Variants in PNLIP observed in about 807,000 individuals in gnomAD.
The protein encoded by PNLIP is pancreatic triacylglycerol lipase.
PNLIP carries 49 observed loss-of-function variants against 57.1 expected under a neutral mutation model. The ratio of observed to expected loss-of-function variants is 0.86; its 90% CI spans 0.68 to 1.09. PNLIP has a LOEUF of 1.09. PNLIP is among the 50% of genes least tolerant of loss of function. PNLIP has a pLI of 0.00. For missense variants in PNLIP, 503 were observed against 570.2 expected (o/e 0.88, Z 1.20); for synonymous variants, 209 against 200.4 (o/e 1.04, Z -0.36).
chr10:116,554,947 T>G (rs1392581370), intron 6 of PNLIP, among the ~76,000 whole-genome samples: 3 of 152,176 alleles, frequency 2.0e-5, no homozygotes, highest in Non-Finnish European at 4.4e-5. Context: ...TTGTTGTAAC[T>G]GCTGCTAGTG....
rs143378802 is a variant in PNLIP at position 116,551,093 on chromosome 10, A to G, written c.325-5A>G. The G allele has an allele frequency of 6.8e-4, 1,078 of 1,575,102 alleles. 3 individuals carry two copies. Among genetic ancestry groups the G allele is most frequent in the Non-Finnish European group, 8.4e-4 (973 of 1,159,304 alleles). On this transcript the variant is annotated splice_polypyrimidine_tract_variant and splice_region_variant and intron_variant, in intron 4 of 12. Coordinates refer to ENST00000369221, the MANE Select transcript of PNLIP (RefSeq NM_000936.4). ...TTTATCTGTTTATTGTGCCCCTTCCACCAGAATCTGTTCAAGGTGGAAAGT... is the reference window on the plus strand; with the variant it reads ...TTTATCTGTTTATTGTGCCCCTTCCGCCAGAATCTGTTCAAGGTGGAAAGT...
At chr10:116,547,530 T>C (rs991357218) in intron 3 of PNLIP, 82 bp downstream of exon 3, 1 of 1,133,240 alleles carries the variant, frequency 8.8e-7, no homozygotes, top group Non-Finnish European at 1.3e-6. Context: ...ATCGAGACCA[T>C]GCTGGCTAAC....
At chr10:116,561,409 A>G in intron 11 of PNLIP, 63 bp from the exon 12 acceptor site, 1 of 1,237,592 alleles carries the variant, frequency 8.1e-7, no homozygotes, top group African/African-American at 1.5e-5. Context: ...ATACACACAA[A>G]TATATATGTA....
chr10:116,561,741 T>G (rs1390943158), intron 12 of PNLIP, 105 bp downstream of exon 12: 1 of 966,680 alleles, frequency 1.0e-6, no homozygotes, highest in South Asian at 1.8e-5. Context: ...GGGGATCGCC[T>G]ACATCCTAGT....
At chr10:116,560,995 A>C (rs569670115) in intron 11 of PNLIP, among the ~76,000 whole-genome samples, 7 of 152,346 alleles carry the variant, frequency 4.6e-5, no homozygotes, top group Admixed American at 3.3e-4. Flanking sequence ...AAAGGAAGCA[A>C]TTATGTCATC....
chr10:116,555,524 T>C lies in PNLIP; in HGVS notation c.811+17T>C. The C allele has an allele frequency of 1.2e-6, 2 of 1,608,402 alleles. No individual in the cohort carries two copies. The highest frequency in any genetic ancestry group is 3.3e-4 in the Middle Eastern group (2 of 6,024). ...TCTGGGAAGGTAGAACTATTATGTGTAGAAAGAGATCTTCTTGGGAGAAAG... is the reference window on the plus strand; with the variant it reads ...TCTGGGAAGGTAGAACTATTATGTGCAGAAAGAGATCTTCTTGGGAGAAAG... On this transcript the variant is annotated intron_variant, in intron 8 of 12. Transcript: ENST00000369221.
At chr10:116,549,243 T>C (rs947130335) in intron 4 of PNLIP, among the ~76,000 whole-genome samples, 1 of 151,960 alleles carries the variant, frequency 6.6e-6, no homozygotes, top group Non-Finnish European at 1.5e-5. Flanking sequence ...TTTGGGAGGC[T>C]GAGGCGGGCG....
intron 2 of PNLIP, among the ~76,000 whole-genome samples, chr10:116,546,612 T>A (rs1019517760): frequency 1.3e-5 from 2 of 152,136 alleles, no homozygotes; most frequent in Non-Finnish European, 2.9e-5. Flanking sequence ...ATTGTGAGAA[T>A]TAGGTCAGAT....
chr10:116,546,859 C>T (rs1033515783), intron 2 of PNLIP, among the ~76,000 whole-genome samples: 46 of 152,246 alleles, frequency 3.0e-4, no homozygotes, highest in Non-Finnish European at 1.6e-4. Context: ...TGAAGATGTC[C>T]TGCAGTACAG....
intron 4 of PNLIP, among the ~76,000 whole-genome samples, chr10:116,550,740 C>T (rs1847181955): frequency 1.3e-5 from 2 of 152,162 alleles, no homozygotes; most frequent in Non-Finnish European, 2.9e-5. Context: ...TCCTTGGGTG[C>T]ATTCTATTAA....
intron 12 of PNLIP, 124 bp downstream of exon 12, chr10:116,561,760 C>A: frequency 1.4e-6 from 1 of 734,952 alleles, no homozygotes; most frequent in Non-Finnish European, 2.2e-6. Flanking sequence ...GTTGCAGTTG[C>A]TTCCTAATGC....
intron 4 of PNLIP, 100 bp downstream of exon 4, chr10:116,548,582 C>A: frequency 1.5e-6 from 2 of 1,314,434 alleles, no homozygotes; most frequent in Non-Finnish European, 2.1e-6. Flanking sequence ...GCTTGGAGGT[C>A]TTGGAGGATA....
chr10:116,548,545 G>A (rs1847155694), intron 4 of PNLIP, 63 bp downstream of exon 4: 1 of 1,562,702 alleles, frequency 6.4e-7, no homozygotes, highest in Admixed American at 1.7e-5. Context: ...AAACGGTAAG[G>A]CACTGGCCCC....
At chr10:116,559,778 T>C (rs1469290298) in intron 10 of PNLIP, among the ~76,000 whole-genome samples, 12 of 152,170 alleles carry the variant, frequency 7.9e-5, no homozygotes, top group Non-Finnish European at 8.8e-5. Context: ...AACAGAGGAA[T>C]AAAATTATTT....
Position 116,559,168 on chromosome 10 carries a change from T to TTGTCCA in PNLIP, c.946_951dup (p.Cys316_Pro317dup), listed in dbSNP as rs762495884. 1.1e-5 allele frequency: 18 copies of TTGTCCA among 1,612,110 alleles called. No homozygotes were observed. In the Admixed American group the frequency reaches 3.0e-4, roughly 27 times the overall value. ...GTTTTCACTAGAACAAGTGTTTCCC[T>TTGTCCA]TGTCCAAGTGGAGGCTGCCCACAGA... On this transcript the variant is annotated inframe_insertion, in exon 10 of 13. Coordinates refer to ENST00000369221, the MANE Select transcript of PNLIP (RefSeq NM_000936.4).
At chr10:116,547,536 C>T (rs532334129) in intron 3 of PNLIP, 88 bp downstream of exon 3, 10 of 1,061,854 alleles carry the variant, frequency 9.4e-6, no homozygotes, top group Admixed American at 4.5e-5. Context: ...ACCATGCTGG[C>T]TAACATGGTG....
At chr10:116,560,386 C>G (rs751140649) in intron 10 of PNLIP, 30 bp from the exon 11 acceptor site, 1 of 1,198,686 alleles carries the variant, frequency 8.3e-7, no homozygotes, top group South Asian at 1.3e-5. Context: ...TATCTCCAAA[C>G]TGACATTTTG....
rs774360681 is a variant in PNLIP, at chr10:116,548,490, G to A, written c.324+8G>A. On this transcript the variant is annotated splice_region_variant and intron_variant, in intron 4 of 12. Coordinates refer to ENST00000369221, the MANE Select transcript of PNLIP (RefSeq NM_000936.4). ...CTGGCCAATGTGTGCAAGGTGAGATGTGGTCATCTCTCAAGGAAAGATCGT... is the reference window on the plus strand; with the variant it reads ...CTGGCCAATGTGTGCAAGGTGAGATATGGTCATCTCTCAAGGAAAGATCGT... 1 of 1,612,718 alleles carries A rather than the reference G, an allele frequency of 6.2e-7. No individual in the cohort carries two copies. Among genetic ancestry groups the A allele is most frequent in the Non-Finnish European group, 8.5e-7 (1 of 1,179,432 alleles).
At position 116,562,558 on chromosome 10, in the gene PNLIP, T is replaced by C. The variant is rs564598079; in HGVS notation, c.1334+922T>C. Reference sequence around the variant, plus strand: ...AGAATCAGAGCTAAGAATGAGAAGATCCAGGGAAGTAGATTTCACAGGACA... The same window carrying C: ...AGAATCAGAGCTAAGAATGAGAAGACCCAGGGAAGTAGATTTCACAGGACA... On this transcript the variant is annotated intron_variant, in intron 12 of 12. Transcript: ENST00000369221. 1.2e-4 allele frequency among the ~76,000 whole-genome samples: 18 copies of C among 152,080 alleles called. No homozygotes were observed. In the East Asian group the frequency reaches 2.7e-3, roughly 23 times the overall value.
Sources: gnomAD v4.1 joint callset for allele counts (sites outside exome capture counted in the v4.1 genomes callset) on GRCh38, gnomAD v4.1.1 for gene constraint, MANE v1.5 for transcripts, NCBI Gene and HGNC (gene_info 2026-07-23, HGNC 2026-07-21) for gene names.